The following FBXL13 variants were observed in gnomAD, a reference collection of about 807,000 sequenced individuals.
FBXL13 encodes F-box and leucine-rich repeat protein 13.
Under a neutral mutation model 83.6 loss-of-function variants are expected in FBXL13, and 67 were observed. That is an observed-to-expected ratio of 0.80 (90% confidence interval 0.66 to 0.98). The LOEUF (loss-of-function observed/expected upper bound fraction) is 0.98, where lower values mean the gene tolerates loss of function less well. Among genes scored for constraint, FBXL13 ranks in the 50% least tolerant of loss-of-function variants. The pLI, the probability that FBXL13 is intolerant of heterozygous loss-of-function variation, is 0.00. For missense variants in FBXL13, 822 were observed against 866.5 expected (o/e 0.95, Z 0.64); for synonymous variants, 272 against 299.5 (o/e 0.91, Z 0.95).
exon 20 of FBXL13, chr7:102,813,371 T>C (rs773948057): frequency 6.2e-7 from 1 of 1,613,912 alleles, no homozygotes; most frequent in Non-Finnish European, 8.5e-7. Flanking sequence ...CTGCTGTATG[T>C]TGACTTTTTC....
At chr7:102,828,542 A>G (rs550660402) in intron 18 of FBXL13, among the ~76,000 whole-genome samples, 1 of 152,346 alleles carries the variant, frequency 6.6e-6, no homozygotes, top group South Asian at 2.1e-4. Flanking sequence ...CCTTTACATT[A>G]TAAGTCTGTA....
chr7:102,880,287 T>C (rs1809853074), intron 14 of FBXL13, among the ~76,000 whole-genome samples: 1 of 152,218 alleles, frequency 6.6e-6, no homozygotes, highest in African/African-American at 2.4e-5. Flanking sequence ...CTCTTATATG[T>C]ACATATTAAA....
intron 19 of FBXL13, chr7:102,816,343 A>T (rs180797563): frequency 6.6e-6 from 1 of 152,376 alleles, no homozygotes; most frequent in Admixed American, 6.5e-5. Flanking sequence ...GAAAAACAGA[A>T]AATATGAATC....
chr7:103,055,882 G>A, intron 1 of FBXL13, 135 bp from the exon 2 acceptor site: 1 of 412,538 alleles, frequency 2.4e-6, no homozygotes, highest in South Asian at 1.9e-5. Flanking sequence ...GGTTTTTGGG[G>A]AACAGGTGGT....
At chr7:102,854,216 T>C (rs1210046820) in intron 17 of FBXL13, among the ~76,000 whole-genome samples, 2 of 152,234 alleles carry the variant, frequency 1.3e-5, no homozygotes, top group Admixed American at 1.3e-4. Flanking sequence ...TTCATGTCCT[T>C]TGTGGTGACA....
At position 103,008,393 on chromosome 7, in the gene FBXL13, G is replaced by T. The variant is rs1039391200; in HGVS notation, c.495+16670C>A. 5.9e-5 allele frequency among the ~76,000 whole-genome samples: 9 copies of T among 152,214 alleles called. No individual in the cohort carries two copies. In the South Asian group the frequency reaches 1.9e-3, roughly 32 times the overall value. ...AGGATTTTGATGATCAACTGTAAAA[G>T]CATGCCCTGTTTATAGGAAATACAT... On this transcript the variant is annotated intron_variant, in intron 6 of 19. Coordinates refer to ENST00000313221, the Ensembl canonical transcript of FBXL13.
chr7:102,817,065 A>G (rs1451576180), intron 19 of FBXL13, among the ~76,000 whole-genome samples: 1 of 152,186 alleles, frequency 6.6e-6, no homozygotes, highest in Admixed American at 6.5e-5. Flanking sequence ...GCTGCAATAA[A>G]CATACAACTG....
intron 8 of FBXL13, among the ~76,000 whole-genome samples, chr7:102,935,086 GT>G (rs1368589397): frequency 3.3e-5 from 5 of 152,146 alleles, no homozygotes; most frequent in Non-Finnish European, 7.4e-5. Flanking sequence ...GTGTGCATCT[GT>G]GAGAAGATCA....
chr7:102,897,950 G>A (rs935314356), intron 11 of FBXL13, among the ~76,000 whole-genome samples: 2 of 152,122 alleles, frequency 1.3e-5, no homozygotes, highest in Non-Finnish European at 2.9e-5. Flanking sequence ...CACTCCTTTT[G>A]TAATATACTT....
intron 1 of FBXL13, among the ~76,000 whole-genome samples, chr7:103,064,058 G>T (rs1192249151): frequency 6.6e-6 from 1 of 152,114 alleles, no homozygotes; most frequent in Non-Finnish European, 1.5e-5. Flanking sequence ...CTGGCCTTTT[G>T]TGGAATCCAC....
chr7:102,902,456 T>A (rs1266426903), intron 11 of FBXL13, among the ~76,000 whole-genome samples: 3 of 152,194 alleles, frequency 2.0e-5, no homozygotes, highest in Non-Finnish European at 2.9e-5. Flanking sequence ...CATTTGTCCA[T>A]GTTTGCTTTG....
At chr7:102,846,940 A>G (rs1036543229) in intron 17 of FBXL13, among the ~76,000 whole-genome samples, 3 of 152,214 alleles carry the variant, frequency 2.0e-5, no homozygotes, top group Admixed American at 6.5e-5. Flanking sequence ...TGTATGGCCT[A>G]CACTCTAAGA....
intron 11 of FBXL13, among the ~76,000 whole-genome samples, chr7:102,887,746 C>A (rs1810986036): frequency 6.6e-6 from 1 of 152,160 alleles, no homozygotes; most frequent in African/African-American, 2.4e-5. Context: ...TATCACATCT[C>A]AAAAATAAAA....
intron 16 of FBXL13, among the ~76,000 whole-genome samples, chr7:102,857,068 A>G (rs758676144): frequency 2.0e-5 from 3 of 152,164 alleles, no homozygotes; most frequent in Non-Finnish European, 4.4e-5. Context: ...CTGTATCTCC[A>G]TATACAAAAG....
chr7:102,817,355 T>C (rs1313879166), intron 19 of FBXL13, among the ~76,000 whole-genome samples: 1 of 152,150 alleles, frequency 6.6e-6, no homozygotes, highest in Non-Finnish European at 1.5e-5. Context: ...TCTCTGATGA[T>C]TAGTGATGTT....
intron 2 of FBXL13, among the ~76,000 whole-genome samples, chr7:103,054,698 A>C (rs1219333401): frequency 6.6e-6 from 1 of 152,208 alleles, no homozygotes; most frequent in Non-Finnish European, 1.5e-5. Flanking sequence ...AGCAGAGAGA[A>C]TGGGCGGTGG....
chr7:103,034,235 T>G (rs1415101293), intron 2 of FBXL13, among the ~76,000 whole-genome samples: 1 of 152,174 alleles, frequency 6.6e-6, no homozygotes, highest in Non-Finnish European at 1.5e-5. Flanking sequence ...TCCTGTGCCG[T>G]GTGCCCACAC....
At position 103,055,188 on chromosome 7, in the gene FBXL13, C is replaced by T. The variant is rs1354501626; in HGVS notation, c.-1+456G>A. 1.6e-6 allele frequency: 2 copies of T among 1,255,088 alleles called. No homozygotes were observed. Among genetic ancestry groups the T allele is most frequent in the Non-Finnish European group, 2.1e-6 (2 of 964,552 alleles). The allele number at this position is 1,255,088 out of a possible 1,614,324, so 77.7% of individuals were successfully genotyped here. ...AGTAATGCACATATCCCTTTAATAA[C>T]ATCATAAAATACAGTCAAAATTAAT... On this transcript the variant is annotated intron_variant, in intron 2 of 19. Coordinates refer to ENST00000313221, the Ensembl canonical transcript of FBXL13.
At chr7:102,949,903 C>T (rs956922273) in intron 8 of FBXL13, among the ~76,000 whole-genome samples, 1 of 152,034 alleles carries the variant, frequency 6.6e-6, no homozygotes, top group Non-Finnish European at 1.5e-5. Flanking sequence ...GTCGGGAGTT[C>T]AAGACCAGCC....
Sources: gnomAD v4.1 joint callset for allele counts (sites outside exome capture counted in the v4.1 genomes callset) on GRCh38, gnomAD v4.1.1 for gene constraint, MANE v1.5 for transcripts, NCBI Gene and HGNC (gene_info 2026-07-23, HGNC 2026-07-21) for gene names.